Variants in MLIP observed in about 807,000 individuals in gnomAD.
MLIP encodes muscular LMNA interacting protein, also known as muscular LMNA-interacting protein.
In MLIP, 79 loss-of-function variants were observed where a neutral mutation model predicts 84.8. The ratio of observed to expected loss-of-function variants is 0.93; its 90% CI spans 0.78 to 1.12. The LOEUF is 1.12. Ranked by LOEUF, MLIP falls within the 50% of genes most tolerant of loss-of-function variation. The pLI, the probability that MLIP is intolerant of heterozygous loss-of-function variation, is 0.00. For synonymous variants in MLIP, 504 were observed against 463.0 expected (o/e 1.09, Z -1.14); for missense variants, 1,257 against 1,160.6 (o/e 1.08, Z -1.21).
At chr6:54,212,461 G>T (rs1779525273) in intron 11 of MLIP, among the ~76,000 whole-genome samples, 1 of 152,198 alleles carries the variant, frequency 6.6e-6, no homozygotes, top group Non-Finnish European at 1.5e-5. Context: ...GAGATGGAAA[G>T]TCTTAATTTA....
At position 54,121,520 on chromosome 6, in the gene MLIP, A is replaced by G. The variant is rs1170115748; in HGVS notation, c.170A>G (p.His57Arg). Residue 57 changes from histidine (H) to arginine (R), a missense_variant, in exon 2 of 14, where the codon CAT (histidine) becomes CGT (arginine). By Grantham distance (29) the His-to-Arg change is conservative. Transcript: ENST00000502396. ...FVPTVRRLPT[H>R]TQLADTSKFL... ...CCCACTGTCAGAAGACTACCAACCCATACTCAGTTGGCTGACACCTCTAAA... is the reference window on the plus strand; with the variant it reads ...CCCACTGTCAGAAGACTACCAACCCGTACTCAGTTGGCTGACACCTCTAAA... 2 of 1,614,014 alleles carry G rather than the reference A, an allele frequency of 1.2e-6. No individual in the cohort carries two copies. The highest frequency in any genetic ancestry group is 1.7e-6 in the Non-Finnish European group (2 of 1,180,004).
chr6:54,207,077 A>G (rs1779082022), intron 11 of MLIP, among the ~76,000 whole-genome samples: 1 of 151,838 alleles, frequency 6.6e-6, no homozygotes, highest in Non-Finnish European at 1.5e-5. Flanking sequence ...AATTTCTTGT[A>G]GTGTTACATT....
At chr6:54,060,815 C>T (rs1335311309) in intron 1 of MLIP, among the ~76,000 whole-genome samples, 4 of 151,814 alleles carry the variant, frequency 2.6e-5, no homozygotes, top group Admixed American at 6.6e-5. Context: ...GGGAAACAGA[C>T]AAATAGAGAA....
chr6:54,206,720 G>T (rs924574041), intron 11 of MLIP, among the ~76,000 whole-genome samples: 1 of 152,034 alleles, frequency 6.6e-6, no homozygotes, highest in Non-Finnish European at 1.5e-5. Flanking sequence ...GTGACTTTCA[G>T]GTTTCTATCT....
intron 1 of MLIP, among the ~76,000 whole-genome samples, chr6:54,099,785 A>G (rs956475627): frequency 1.2e-4 from 19 of 152,166 alleles, no homozygotes; most frequent in Non-Finnish European, 1.5e-5. Flanking sequence ...GAACAGGCAG[A>G]TTTGAAGGGG....
intron 12 of MLIP, among the ~76,000 whole-genome samples, chr6:54,238,669 G>A (rs1277661799): frequency 1.3e-5 from 2 of 152,166 alleles, no homozygotes; most frequent in African/African-American, 2.4e-5. Flanking sequence ...GCAGAAGCAA[G>A]GCTGAGATTT....
At chr6:54,073,411 C>A (rs1314043898) in intron 1 of MLIP, among the ~76,000 whole-genome samples, 7 of 152,152 alleles carry the variant, frequency 4.6e-5, no homozygotes, top group African/African-American at 1.4e-4. Context: ...TATGGAAAAA[C>A]AACAACAAAG....
At chr6:54,181,414 T>C (rs937934629) in intron 9 of MLIP, among the ~76,000 whole-genome samples, 3 of 151,738 alleles carry the variant, frequency 2.0e-5, no homozygotes, top group Admixed American at 1.3e-4. Flanking sequence ...CTTCAGGCAA[T>C]GGGCTCCCTT....
chr6:54,094,090 TG>T (rs1183887881), intron 1 of MLIP, among the ~76,000 whole-genome samples: 4 of 152,150 alleles, frequency 2.6e-5, no homozygotes, highest in Non-Finnish European at 4.4e-5. Context: ...TAAATTTTGA[TG>T]GTGTCAATAG....
intron 1 of MLIP, among the ~76,000 whole-genome samples, chr6:54,093,169 G>A (rs1293112643): frequency 6.6e-6 from 1 of 152,110 alleles, no homozygotes. Flanking sequence ...AAGCCACCAT[G>A]CCCAGCCCGA....
At chr6:54,041,196 T>C (rs1764722197) in intron 1 of MLIP, 1 of 152,142 alleles carries the variant, frequency 6.6e-6, no homozygotes, top group African/African-American at 2.4e-5. Flanking sequence ...TCCAACACTA[T>C]GGTTATATCT....
At chr6:54,034,230 G>A (rs1764298111) in intron 1 of MLIP, among the ~76,000 whole-genome samples, 1 of 152,134 alleles carries the variant, frequency 6.6e-6, no homozygotes, top group Non-Finnish European at 1.5e-5. Context: ...AGATTTCTAT[G>A]TTAGTGTGTA....
At position 54,084,691 on chromosome 6, in the gene MLIP, T is replaced by C. The variant is rs555038923; in HGVS notation, c.64-36756T>C. Among the ~76,000 whole-genome samples the C allele has an allele frequency of 7.9e-5, 12 of 152,254 alleles. No homozygotes were observed. In the South Asian group the frequency reaches 2.5e-3, roughly 32 times the overall value. On this transcript the variant is annotated intron_variant, in intron 1 of 12. Transcript: ENST00000274897. The stretch of plus-strand genomic sequence containing the variant: ...TTTTGAATTCCTCAAATAGGGAAGA[T>C]TAGTATATTTTCATTGCATTTTTTA...
At chr6:54,051,932 G>T (rs987860479) in intron 1 of MLIP, among the ~76,000 whole-genome samples, 3 of 152,070 alleles carry the variant, frequency 2.0e-5, no homozygotes, top group African/African-American at 4.8e-5. Context: ...GGAATTTATT[G>T]CTTGGTATAA....
upstream of MLIP, among the ~76,000 whole-genome samples, chr6:54,108,538 T>A (rs1201811889): frequency 6.6e-6 from 1 of 152,214 alleles, no homozygotes; most frequent in Admixed American, 6.5e-5. Flanking sequence ...GCTGTTATAA[T>A]GCATGACCAT....
intron 1 of MLIP, among the ~76,000 whole-genome samples, chr6:54,052,292 C>A (rs534022678): frequency 4.7e-4 from 72 of 152,210 alleles, no homozygotes; most frequent in African/African-American, 1.6e-3. Flanking sequence ...GGACCAGGAC[C>A]AATGGCATCA....
intron 1 of MLIP, among the ~76,000 whole-genome samples, chr6:54,036,068 TC>T (rs1764419213): frequency 6.6e-6 from 1 of 152,014 alleles, no homozygotes. Context: ...GAAGATATTC[TC>T]CTAATTTTTA....
At chr6:54,152,547 T>C (rs1472697797) in intron 5 of MLIP, among the ~76,000 whole-genome samples, 1 of 152,110 alleles carries the variant, frequency 6.6e-6, no homozygotes, top group Non-Finnish European at 1.5e-5. Context: ...CTCATTATCA[T>C]GAGAATGGCA....
intron 11 of MLIP, among the ~76,000 whole-genome samples, chr6:54,226,422 C>G (rs1780575828): frequency 6.6e-6 from 1 of 152,162 alleles, no homozygotes; most frequent in Non-Finnish European, 1.5e-5. Flanking sequence ...CTGACCAATA[C>G]AAAGAGGAAA....
Sources: allele counts gnomAD v4.1 joint callset (sites outside exome capture counted in the v4.1 genomes callset), GRCh38; gene constraint gnomAD v4.1.1; transcripts MANE v1.5; gene names NCBI Gene and HGNC (gene_info 2026-07-23, HGNC 2026-07-21).